The following NHEJ1 variants were observed in gnomAD, a reference collection of about 807,000 sequenced individuals.
NHEJ1 encodes the protein non-homologous end-joining factor 1.
NHEJ1 carries 22 observed loss-of-function variants against 39.4 expected under a neutral mutation model. The observed-to-expected ratio is 0.56, with a 90% confidence interval of 0.40 to 0.80. NHEJ1 has a LOEUF of 0.80. Among genes scored for constraint, NHEJ1 ranks in the 30% least tolerant of loss-of-function variants. The probability of loss-of-function intolerance (pLI) is 0.00; values close to 1 mark genes in which losing one functional copy is unlikely to be tolerated. For missense variants in NHEJ1, 329 were observed against 357.1 expected, an observed-to-expected ratio of 0.92 and a Z score of 0.63; for synonymous variants, 154 against 135.6, an observed-to-expected ratio of 1.14 and a Z score of -0.94.
intron 2 of NHEJ1, among the ~76,000 whole-genome samples, chr2:219,157,952 G>C (rs954512149): frequency 1.4e-5 from 2 of 147,650 alleles, no homozygotes; most frequent in Non-Finnish European, 3.0e-5. Flanking sequence ...TCATGCATAG[G>C]GTAGGGAAAC....
rs1270009468 is a variant in NHEJ1, at chr2:219,111,885, G to C, written c.589-33679C>G. Among the ~76,000 whole-genome samples the C allele has an allele frequency of 6.6e-6, 1 of 152,198 alleles. No homozygotes were observed. The highest frequency in any genetic ancestry group is 1.5e-5 in the Non-Finnish European group (1 of 68,034). ...CTTGGCCAGCATCATGGCAGGATGG[G>C]GCGAGGCCATGCTTTAGGGGTGGGG... On this transcript the variant is annotated intron_variant, in intron 5 of 7. Transcript: ENST00000356853. The surrounding 1 kb of genome is among the most constrained non-coding windows in gnomAD (Gnocchi z 4.1).
At chr2:219,136,338 G>C (rs1451116483) in intron 5 of NHEJ1, among the ~76,000 whole-genome samples, 1 of 149,030 alleles carries the variant, frequency 6.7e-6, no homozygotes, top group African/African-American at 2.5e-5. Context: ...GCTCAGGCTG[G>C]AGTGCAGTGA....
At chr2:219,152,211 G>A (rs1382139878) in intron 3 of NHEJ1, among the ~76,000 whole-genome samples, 1 of 152,170 alleles carries the variant, frequency 6.6e-6, no homozygotes, top group Non-Finnish European at 1.5e-5. Context: ...AGGTTAGGAA[G>A]TGTAATAGAT....
In NHEJ1 at chr2:219,111,004, G is replaced by T. The variant is rs1012897385; in HGVS notation, c.589-32798C>A. Among the ~76,000 whole-genome samples, 6 of 152,156 alleles carry T rather than the reference G, an allele frequency of 3.9e-5. No homozygotes were observed. Among genetic ancestry groups the T allele is most frequent in the African/African-American group, 1.4e-4 (6 of 41,430 alleles). The stretch of plus-strand genomic sequence containing the variant: ...GGTGAAAAGGGACATGGGTAGATAA[G>T]ATGAGCTTAGTTTTAAAGTATTTCT... On this transcript the variant is annotated intron_variant, in intron 5 of 7. Coordinates refer to ENST00000356853, the MANE Select transcript of NHEJ1 (RefSeq NM_024782.3). The surrounding 1 kb of genome is among the most constrained non-coding windows in gnomAD (Gnocchi z 4.1).
intron 5 of NHEJ1, among the ~76,000 whole-genome samples, chr2:219,138,871 A>C (rs1296283027): frequency 6.6e-6 from 1 of 152,206 alleles, no homozygotes; most frequent in Non-Finnish European, 1.5e-5. Flanking sequence ...ATGTAGATGG[A>C]TGTAGTCTAT....
At chr2:219,105,655 TTCTG>T (rs1450085575) in intron 5 of NHEJ1, among the ~76,000 whole-genome samples, 2 of 152,220 alleles carry the variant, frequency 1.3e-5, no homozygotes, top group Admixed American at 6.5e-5. Flanking sequence ...ATTCTGTTCA[TTCTG>T]TCTAATACAC....
intron 5 of NHEJ1, among the ~76,000 whole-genome samples, chr2:219,142,518 C>T (rs1395990813): frequency 6.6e-6 from 1 of 152,194 alleles, no homozygotes; most frequent in Non-Finnish European, 1.5e-5. Flanking sequence ...TCCCTCCTCA[C>T]CCCATTACAC....
Position 219,075,364 on chromosome 2 carries a change from T to A in NHEJ1, c.*1017A>T, listed in dbSNP as rs1214928445. Reference sequence around the variant, plus strand: ...TAATTATTTTATTATTGTTTGATCATCTTCTCTCGAGACTTGACATCAGGA... The same window carrying A: ...TAATTATTTTATTATTGTTTGATCAACTTCTCTCGAGACTTGACATCAGGA... On this transcript the variant is annotated 3_prime_UTR_variant, in exon 8 of 8. Coordinates refer to ENST00000356853, the MANE Select transcript of NHEJ1 (RefSeq NM_024782.3). 1 of 152,222 alleles carries A rather than the reference T, an allele frequency of 6.6e-6. No homozygotes were observed. The highest frequency in any genetic ancestry group is 2.1e-4 in the South Asian group (1 of 4,826). The allele number at this position is 152,222 out of a possible 1,614,324, so 9.4% of individuals were successfully genotyped here.
chr2:219,159,538 C>CATATATATGCATATATATATATATGCAT (rs1559206137), intron 1 of NHEJ1, among the ~76,000 whole-genome samples: 1 of 50,276 alleles, frequency 2.0e-5, no homozygotes, highest in African/African-American at 8.4e-5. Flanking sequence ...TATATATATG[C>CATATATATGCATATATATATATATGCAT]ATATATATAT....
In NHEJ1 at chr2:219,076,168, A is replaced by G; in HGVS notation, c.*213T>C. The G allele has an allele frequency of 9.5e-7, 1 of 1,056,768 alleles. No individual in the cohort carries two copies. The highest frequency in any genetic ancestry group is 2.6e-5 in the East Asian group (1 of 38,602). The allele number at this position is 1,056,768 out of a possible 1,614,324, so 65.5% of individuals were successfully genotyped here. ...TACAGAACCTCCACCAAAAGAGAGG[A>G]GAGCACGGGATTCTCAGAGACTGGC... On this transcript the variant is annotated 3_prime_UTR_variant, in exon 8 of 8. Coordinates refer to ENST00000356853, the MANE Select transcript of NHEJ1 (RefSeq NM_024782.3).
At chr2:219,079,554 A>G (rs1449617228) in intron 5 of NHEJ1, among the ~76,000 whole-genome samples, 5 of 152,222 alleles carry the variant, frequency 3.3e-5, no homozygotes, top group Middle Eastern at 3.2e-3. Flanking sequence ...CACAAAGACT[A>G]TATCAGGCCT....
In NHEJ1 at chr2:219,072,396, C is replaced by T. The variant is rs1330595028; in HGVS notation, c.*3985G>A. 6.6e-6 allele frequency among the ~76,000 whole-genome samples: 1 copy of T among 152,170 alleles called. No homozygotes were observed. The highest frequency in any genetic ancestry group is 1.5e-5 in the Non-Finnish European group (1 of 68,022). On this transcript the variant is annotated 3_prime_UTR_variant, in exon 8 of 8. Transcript: ENST00000356853. Reference sequence around the variant, plus strand: ...GGATATTAGTAACAGAGACGAGGAACCAAGGTTCTTGAGCTCTGAGTTTGG... The same window carrying T: ...GGATATTAGTAACAGAGACGAGGAATCAAGGTTCTTGAGCTCTGAGTTTGG...
At chr2:219,104,783 TAAAA>T (rs1949299599) in intron 5 of NHEJ1, among the ~76,000 whole-genome samples, 1 of 152,136 alleles carries the variant, frequency 6.6e-6, no homozygotes, top group Non-Finnish European at 1.5e-5. Flanking sequence ...AAAATGATGC[TAAAA>T]GAAACCCAGA....
rs1048934246 is a variant in NHEJ1 at position 219,073,892 on chromosome 2, G to C, written c.*2489C>G. On this transcript the variant is annotated 3_prime_UTR_variant, in exon 8 of 8. Transcript: ENST00000356853. ...GACCCTTTTATGTGCATGTAGAGTG[G>C]GGGTTGGGCCAGGCTGGGGGCCTCA... 2.6e-5 allele frequency among the ~76,000 whole-genome samples: 4 copies of C among 152,258 alleles called. No individual in the cohort carries two copies. In the East Asian group the frequency reaches 7.7e-4, roughly 29 times the overall value.
chr2:219,089,546 A>G (rs973133369), intron 5 of NHEJ1, among the ~76,000 whole-genome samples: 1 of 152,236 alleles, frequency 6.6e-6, no homozygotes, highest in African/African-American at 2.4e-5. Flanking sequence ...AAATCCATAA[A>G]GACAGAGAGT....
At chr2:219,145,226 AC>A (rs1391316226) in intron 5 of NHEJ1, among the ~76,000 whole-genome samples, 8 of 151,946 alleles carry the variant, frequency 5.3e-5, no homozygotes, top group African/African-American at 1.9e-4. Flanking sequence ...TTCAAAAACA[AC>A]AACAACAACA....
intron 3 of NHEJ1, 125 bp from the exon 4 acceptor site, chr2:219,147,920 AG>A (rs1949758686): frequency 1.1e-6 from 1 of 921,112 alleles, no homozygotes; most frequent in Admixed American, 2.2e-5. Flanking sequence ...TTCATAGGCA[AG>A]TAACCCATTT....
chr2:219,133,763 C>T (rs1457970744), intron 5 of NHEJ1, among the ~76,000 whole-genome samples: 1 of 152,216 alleles, frequency 6.6e-6, no homozygotes, highest in Non-Finnish European at 1.5e-5. Flanking sequence ...GGCTGCATCT[C>T]CTGGGGGAAA....
intron 3 of NHEJ1, among the ~76,000 whole-genome samples, chr2:219,148,593 A>G (rs960159176): frequency 3.9e-5 from 6 of 152,152 alleles, no homozygotes; most frequent in Non-Finnish European, 1.5e-5. Flanking sequence ...AACAAATGAG[A>G]AAAGCTGAAG....
Sources: gnomAD v4.1 joint callset for allele counts (sites outside exome capture counted in the v4.1 genomes callset) on GRCh38, gnomAD v4.1.1 for gene constraint, Gnocchi (gnomAD v3.1) non-coding constraint, MANE v1.5 for transcripts, NCBI Gene and HGNC (gene_info 2026-07-23, HGNC 2026-07-21) for gene names.